The following CTDSP1 variants were observed in gnomAD, a reference collection of about 807,000 sequenced individuals.
The protein encoded by CTDSP1 is CTD small phosphatase 1, also known as carboxy-terminal domain RNA polymerase II polypeptide A small phosphatase 1.
Under a neutral mutation model 32.5 loss-of-function variants are expected in CTDSP1, and 15 were observed. The observed-to-expected ratio is 0.46, with a 90% CI of 0.31 to 0.71. The LOEUF is 0.71. Among genes scored for constraint, CTDSP1 ranks in the 30% least tolerant of loss-of-function variants. The pLI, the probability that CTDSP1 is intolerant of heterozygous loss-of-function variation, is 0.05. For synonymous variants in CTDSP1, 185 were observed against 145.4 expected, an observed-to-expected ratio of 1.27 and a Z score of -1.96; for missense variants, 294 against 351.1, an observed-to-expected ratio of 0.84 and a Z score of 1.30.
chr2:218,398,059 G>A (rs1446531111), upstream of CTDSP1, among the ~76,000 whole-genome samples: 2 of 152,158 alleles, frequency 1.3e-5, no homozygotes, highest in African/African-American at 2.4e-5. Context: ...CAGAGGGAGA[G>A]GAAAGCGCGC....
intron 1 of CTDSP1, 39 bp from the exon 2 acceptor site, chr2:218,401,525 G>T (rs1358105654): frequency 2.5e-6 from 4 of 1,610,646 alleles, no homozygotes; most frequent in East Asian, 2.2e-5. Flanking sequence ...CTGCAGGCCA[G>T]TGTGCACCGA....
chr2:218,397,791 C>T (rs904970541), upstream of CTDSP1, among the ~76,000 whole-genome samples: 2 of 152,170 alleles, frequency 1.3e-5, no homozygotes, highest in African/African-American at 4.8e-5. Flanking sequence ...TCGCTCACTC[C>T]GTAACTAACT....
rs945389956 is a variant in CTDSP1, at chr2:218,405,833, CGG to C, written c.*1413_*1414del. 1 of 153,198 alleles carries C rather than the reference CGG, an allele frequency of 6.5e-6. No individual in the cohort carries two copies. Among genetic ancestry groups the C allele is most frequent in the South Asian group, 2.1e-4 (1 of 4,856 alleles). The allele number at this position is 153,198 out of a possible 1,614,324, so 9.5% of individuals were successfully genotyped here. A position where few individuals can be genotyped will look rare whatever the true frequency, so the allele number is the denominator to read the frequency against. On this transcript the variant is annotated 3_prime_UTR_variant, in exon 7 of 7. Transcript: ENST00000273062. The stretch of plus-strand genomic sequence containing the variant: ...GCTCCCCTCCCCCAGAGCGGGTGGG[CGG>C]GGGGTGAATATGGTTGGCCTGCATC...
intron 1 of CTDSP1, 77 bp downstream of exon 1, chr2:218,400,234 AGCC>A (rs953990363): frequency 8.1e-5 from 110 of 1,365,310 alleles, no homozygotes; most frequent in South Asian, 9.5e-5. Context: ...TCCCCAGGGG[AGCC>A]GCCGCCGCCG....
Position 218,404,778 on chromosome 2 carries a change from G to T in CTDSP1, c.*353G>T. On this transcript the variant is annotated 3_prime_UTR_variant, in exon 7 of 7. Transcript: ENST00000273062. ...TTCCGGTTCTGCTTCCTGGGGGCAG[G>T]GTTCCTGCCTTGGACCCCCAGTCTG... 1 of 211,624 alleles carries T rather than the reference G, an allele frequency of 4.7e-6. No individual in the cohort carries two copies. The highest frequency in any genetic ancestry group is 9.5e-6 in the Non-Finnish European group (1 of 104,960). The allele number at this position is 211,624 out of a possible 1,614,324, so 13.1% of individuals were successfully genotyped here. A position where few individuals can be genotyped will look rare whatever the true frequency, so the allele number is the denominator to read the frequency against.
At position 218,405,246 on chromosome 2, in the gene CTDSP1, C is replaced by T. The variant is rs1403726696; in HGVS notation, c.*821C>T. The T allele has an allele frequency of 6.5e-6, 1 of 152,790 alleles. No homozygotes were observed. The highest frequency in any genetic ancestry group is 1.5e-5 in the Non-Finnish European group (1 of 68,080). The allele number at this position is 152,790 out of a possible 1,614,324, so 9.5% of individuals were successfully genotyped here. On this transcript the variant is annotated 3_prime_UTR_variant, in exon 7 of 7. Transcript: ENST00000273062. Reference sequence around the variant, plus strand: ...AAGGGTCAGGGTAGAGACACCCCTCCCTTGCCCCTTTCCTGGGCCCAGAAG... The same window carrying T: ...AAGGGTCAGGGTAGAGACACCCCTCTCTTGCCCCTTTCCTGGGCCCAGAAG...
upstream of CTDSP1, chr2:218,399,723 G>T: frequency 2.0e-6 from 2 of 999,480 alleles, no homozygotes; most frequent in Non-Finnish European, 2.4e-6. Flanking sequence ...CCTGGAGCGC[G>T]GCAGGAACCC....
chr2:218,400,216 C>A, intron 1 of CTDSP1, 59 bp downstream of exon 1: 1 of 1,465,216 alleles, frequency 6.8e-7, no homozygotes, highest in Non-Finnish European at 9.2e-7. Flanking sequence ...GAGAAGGGGC[C>A]GGGATCTTCC....
At chr2:218,399,680 C>G (rs1258964580), upstream of CTDSP1, 12 of 944,576 alleles carry the variant, frequency 1.3e-5, no homozygotes, top group Admixed American at 6.2e-5. Context: ...GACTCAGCCC[C>G]GCCGGCGGGC....
intron 1 of CTDSP1, 137 bp downstream of exon 1, chr2:218,400,294 G>A (rs1574793493): frequency 3.7e-6 from 3 of 806,424 alleles, no homozygotes; most frequent in East Asian, 2.7e-5. Context: ...AGCCCGAGAG[G>A]GAGCAGGGAG....
chr2:218,404,489 T>G lies in CTDSP1; in HGVS notation c.*64T>G. The G allele has an allele frequency of 6.3e-7, 1 of 1,586,490 alleles. No homozygotes were observed. The highest frequency in any genetic ancestry group is 1.1e-5 in the South Asian group (1 of 89,504). On this transcript the variant is annotated 3_prime_UTR_variant, in exon 7 of 7. Coordinates refer to ENST00000273062, the MANE Select transcript of CTDSP1 (RefSeq NM_021198.3). ...TACCCACACCTCCTCCCAGGAAGAC[T>G]GCCCAGGCCTTTGTTAGGAAAACCC...
chr2:218,399,681 G>C (rs952938499), upstream of CTDSP1: 3 of 959,886 alleles, frequency 3.1e-6, no homozygotes, highest in Non-Finnish European at 3.7e-6. Flanking sequence ...ACTCAGCCCC[G>C]CCGGCGGGCG....
intron 1 of CTDSP1, chr2:218,400,790 C>T (rs767550177): frequency 2.2e-6 from 1 of 454,260 alleles, no homozygotes; most frequent in Non-Finnish European, 4.4e-6. Flanking sequence ...CCCGCAAAGC[C>T]TCGCCGCCCC....
At chr2:218,399,656 C>A, upstream of CTDSP1, 1 of 880,902 alleles carries the variant, frequency 1.1e-6, no homozygotes, top group Non-Finnish European at 1.4e-6. Flanking sequence ...CCGGGCCTGC[C>A]ACGCAGCCGC....
chr2:218,405,221 A>G lies in CTDSP1; in HGVS notation c.*796A>G, dbSNP rs1420702985. ...AGATTTTTAGGGGAAGGAGAGAGGGAAGGGTCAGGGTAGAGACACCCCTCC... is the reference window on the plus strand; with the variant it reads ...AGATTTTTAGGGGAAGGAGAGAGGGGAGGGTCAGGGTAGAGACACCCCTCC... On this transcript the variant is annotated 3_prime_UTR_variant, in exon 7 of 7. Transcript: ENST00000273062. 1 of 152,668 alleles carries G rather than the reference A, an allele frequency of 6.6e-6. No individual in the cohort carries two copies. Among genetic ancestry groups the G allele is most frequent in the East Asian group, 1.9e-4 (1 of 5,332 alleles). The allele number at this position is 152,668 out of a possible 1,614,324, so 9.5% of individuals were successfully genotyped here.
chr2:218,401,447 C>G, intron 1 of CTDSP1, 117 bp from the exon 2 acceptor site: 4 of 1,216,118 alleles, frequency 3.3e-6, no homozygotes, highest in Non-Finnish European at 4.6e-6. Flanking sequence ...CTTCGTGTGT[C>G]TGGATGAAGG....
upstream of CTDSP1, chr2:218,399,573 C>G (rs971776722): frequency 1.3e-5 from 3 of 227,980 alleles, no homozygotes; most frequent in East Asian, 5.5e-4. Context: ...CTCGGGCACT[C>G]CCCGGCGTGG....
At chr2:218,398,186 GC>G (rs1696920032), upstream of CTDSP1, 3 of 549,358 alleles carry the variant, frequency 5.5e-6, no homozygotes, top group Non-Finnish European at 6.5e-6. Flanking sequence ...CACCCAGGGG[GC>G]CGGACCGCAG....
chr2:218,399,744 G>C, upstream of CTDSP1: 1 of 1,015,588 alleles, frequency 9.8e-7, no homozygotes, highest in Non-Finnish European at 1.2e-6. Context: ...GGCCCGGCCC[G>C]CCTCCCAGTC....
Sources: allele counts gnomAD v4.1 joint callset (sites outside exome capture counted in the v4.1 genomes callset), GRCh38; gene constraint gnomAD v4.1.1; transcripts MANE v1.5; gene names NCBI Gene and HGNC (gene_info 2026-07-23, HGNC 2026-07-21).